Variants in BCAS2 observed in about 807,000 individuals in gnomAD.
The protein encoded by BCAS2 is BCAS2 pre-mRNA processing factor.
Under a neutral mutation model 35.3 loss-of-function variants are expected in BCAS2, and 34 were observed. That is an observed-to-expected ratio of 0.96 (90% CI 0.73 to 1.28). The LOEUF (loss-of-function observed/expected upper bound fraction) is 1.28. Among genes scored for constraint, BCAS2 ranks in the 50% most tolerant of loss-of-function variants. The probability of loss-of-function intolerance (pLI) is 0.00; values close to 1 mark genes in which losing one functional copy is unlikely to be tolerated. For synonymous variants in BCAS2, 75 were observed against 91.6 expected (o/e 0.82, Z 1.03); for missense variants, 221 against 268.1 (o/e 0.82, Z 1.23).
At chr1:114,576,990 G>A (rs2101629977) in intron 2 of BCAS2, among the ~76,000 whole-genome samples, 1 of 152,234 alleles carries the variant, frequency 6.6e-6, no homozygotes, top group South Asian at 2.1e-4. Context: ...CAGAGAAAAG[G>A]ATTAATCCTA....
chr1:114,580,834 G>A (rs1415109346), intron 2 of BCAS2, among the ~76,000 whole-genome samples: 1 of 152,078 alleles, frequency 6.6e-6, no homozygotes, highest in Non-Finnish European at 1.5e-5. Context: ...AAAAGGAGAA[G>A]GCTGAGAAAA....
intron 4 of BCAS2, among the ~76,000 whole-genome samples, chr1:114,571,654 T>C (rs1244339094): frequency 6.6e-6 from 1 of 152,172 alleles, no homozygotes; most frequent in Non-Finnish European, 1.5e-5. Context: ...CACACGGCCT[T>C]TTGTCACTTC....
At chr1:114,571,535 T>G (rs1282839076) in intron 4 of BCAS2, among the ~76,000 whole-genome samples, 1 of 152,094 alleles carries the variant, frequency 6.6e-6, no homozygotes, top group African/African-American at 2.4e-5. Flanking sequence ...TTTCATTACT[T>G]TTTTGTAGAG....
In BCAS2 at chr1:114,577,592, C is replaced by T. The variant is rs949146807; in HGVS notation, c.187-834G>A. Among the ~76,000 whole-genome samples the T allele has an allele frequency of 4.6e-5, 7 of 152,132 alleles. 1 individual carries two copies. Among genetic ancestry groups the T allele is most frequent in the Admixed American group, 4.6e-4 (7 of 15,274 alleles). On this transcript the variant is annotated intron_variant, in intron 2 of 6. Coordinates refer to ENST00000369541, the MANE Select transcript of BCAS2 (RefSeq NM_005872.3). ...ATGTTGGCCAGGCTGGTCTCGAACT[C>T]CTGACCTGAGGTGATCGGCCTGCCT... is the stretch of plus-strand genomic sequence containing the variant.
chr1:114,581,271 T>C, intron 2 of BCAS2, 28 bp downstream of exon 2: 2 of 1,609,484 alleles, frequency 1.2e-6, no homozygotes, highest in Non-Finnish European at 8.5e-7. Flanking sequence ...GGAATTCTCG[T>C]TCACACCTAG....
chr1:114,579,346 C>A (rs6671190), intron 2 of BCAS2, among the ~76,000 whole-genome samples: 8,168 of 152,018 alleles, frequency 0.054, 323 homozygotes, highest in African/African-American at 0.1. Context: ...CTAATTAAAT[C>A]ATCAGTAAAC....
rs1213130241 is a variant in BCAS2 at position 114,568,250 on chromosome 1, T to C, written c.558A>G (p.Val186=). ...TCTCATAATTCTTACTGACCAGGGA[T>C]ACCCAACTAGAATGGGGGGGAAGAA... The part of the protein sequence containing the change: ...SKLREMESNW[V]SLVSKNYEIE... Residue 186 remains valine (V), a synonymous_variant, in exon 7 of 7, where the codon GTA becomes GTG. Transcript: ENST00000369541. 6 of 1,612,870 alleles carry C rather than the reference T, an allele frequency of 3.7e-6. No homozygotes were observed. The highest frequency in any genetic ancestry group is 1.1e-5 in the South Asian group (1 of 90,776).
chr1:114,575,648 T>G lies in BCAS2; in HGVS notation c.361A>C (p.Ile121Leu). The G allele has an allele frequency of 1.2e-6, 2 of 1,612,702 alleles. No homozygotes were observed. Among genetic ancestry groups the G allele is most frequent in the Non-Finnish European group, 1.7e-6 (2 of 1,179,886 alleles). The change falls in exon 4 of 7, where the codon ATT (isoleucine) becomes CTT (leucine). Residue 121 changes from isoleucine (I) to leucine (L), a missense_variant. Physicochemically the swap from Ile to Leu is conservative, Grantham distance 5. Coordinates refer to ENST00000369541, the MANE Select transcript of BCAS2 (RefSeq NM_005872.3). ...TGTGACATTAGTTCCAGATTCTCAA[T>G]TCTAACTGCTTGATGCTCTAACTGG... Reference protein sequence around the residue: ...MAQLEHQAVRIENLELMSQHG... With the variant: ...MAQLEHQAVRLENLELMSQHG...
At chr1:114,570,251 A>G (rs1182825575) in intron 5 of BCAS2, among the ~76,000 whole-genome samples, 179 bp from the exon 6 acceptor site, 1 of 151,088 alleles carries the variant, frequency 6.6e-6, no homozygotes, top group African/African-American at 2.4e-5. Flanking sequence ...TTCATAAAAC[A>G]TGCTCATTGT....
rs139728950 is a variant in BCAS2, at chr1:114,580,473, C to T, written c.186+826G>A. 2.0e-3 allele frequency among the ~76,000 whole-genome samples: 302 copies of T among 152,302 alleles called. 1 individual carries two copies. The highest frequency in any genetic ancestry group is 7.1e-3 in the African/African-American group (294 of 41,562). On this transcript the variant is annotated intron_variant, in intron 2 of 6. Coordinates refer to ENST00000369541, the MANE Select transcript of BCAS2 (RefSeq NM_005872.3). ...GACTCCTTAGGCAATCATGGACACT[C>T]CCTTCTCTAATCCTCTTGTCCTTAT... is the stretch of plus-strand genomic sequence containing the variant.
intron 2 of BCAS2, among the ~76,000 whole-genome samples, chr1:114,577,352 C>G (rs1484384196): frequency 1.3e-5 from 2 of 151,846 alleles, no homozygotes; most frequent in African/African-American, 4.8e-5. Flanking sequence ...TCCAGAAATC[C>G]AAGAAATAAT....
rs769524176 is a variant in BCAS2, at chr1:114,568,263, TG to T, written c.552-8del. On this transcript the variant is annotated splice_polypyrimidine_tract_variant and splice_region_variant and intron_variant, in intron 6 of 6. Coordinates refer to ENST00000369541, the MANE Select transcript of BCAS2 (RefSeq NM_005872.3). ...ACTGACCAGGGATACCCAACTAGAATGGGGGGGAAGAAAAGAAAAAAATTAC... is the reference window on the plus strand; with the variant it reads ...ACTGACCAGGGATACCCAACTAGAATGGGGGGAAGAAAAGAAAAAAATTAC... The T allele has an allele frequency of 3.2e-5, 51 of 1,608,618 alleles. No individual in the cohort carries two copies. The highest frequency in any genetic ancestry group is 4.3e-5 in the Non-Finnish European group (51 of 1,178,496).
intron 2 of BCAS2, among the ~76,000 whole-genome samples, chr1:114,578,125 G>A (rs966656260): frequency 2.2e-4 from 33 of 152,128 alleles, no homozygotes; most frequent in Admixed American, 3.3e-4. Flanking sequence ...GGGAGGTGGA[G>A]GTTGCAGTGA....
chr1:114,579,413 G>A (rs991089062), intron 2 of BCAS2, among the ~76,000 whole-genome samples: 6 of 152,228 alleles, frequency 3.9e-5, no homozygotes, highest in Admixed American at 1.3e-4. Context: ...ATTTTAAAAA[G>A]TCTGTGATTG....
intron 4 of BCAS2, 93 bp downstream of exon 4, chr1:114,575,497 T>G: frequency 7.8e-7 from 1 of 1,289,466 alleles, no homozygotes; most frequent in Non-Finnish European, 1.1e-6. Flanking sequence ...ACCCAGCACC[T>G]CCCATACTTT....
chr1:114,575,839 T>C (rs937607041), intron 3 of BCAS2, 88 bp from the exon 4 acceptor site: 3 of 1,416,958 alleles, frequency 2.1e-6, no homozygotes, highest in East Asian at 2.4e-5. Flanking sequence ...TGAGTCTCCA[T>C]ATAGTATAAA....
At chr1:114,573,291 A>C (rs1368327476) in intron 4 of BCAS2, among the ~76,000 whole-genome samples, 2 of 151,592 alleles carry the variant, frequency 1.3e-5, no homozygotes, top group Non-Finnish European at 2.9e-5. Flanking sequence ...TTCCTTCTAA[A>C]CATCCCAATT....
chr1:114,573,420 C>T (rs574985282), intron 4 of BCAS2, among the ~76,000 whole-genome samples: 31 of 151,910 alleles, frequency 2.0e-4, no homozygotes, highest in African/African-American at 7.2e-4. Flanking sequence ...TCTATAGAGA[C>T]AGGGTTTCAC....
At chr1:114,576,305 CT>C (rs1176938942) in intron 3 of BCAS2, among the ~76,000 whole-genome samples, 9 of 150,640 alleles carry the variant, frequency 6.0e-5, no homozygotes, top group Non-Finnish European at 1.3e-4. Flanking sequence ...GTCCCCAACG[CT>C]GGAGTGCAGT....
Sources: allele counts gnomAD v4.1 joint callset (sites outside exome capture counted in the v4.1 genomes callset), GRCh38; gene constraint gnomAD v4.1.1; transcripts MANE v1.5; gene names NCBI Gene and HGNC (gene_info 2026-07-23, HGNC 2026-07-21).